Variants in BRPF3 observed in about 807,000 individuals in gnomAD.
BRPF3 encodes bromodomain and PHD finger-containing protein 3.
Under a neutral mutation model 102.0 loss-of-function variants are expected in BRPF3, and 18 were observed. The ratio of observed to expected loss-of-function variants is 0.18; its 90% CI spans 0.12 to 0.26. BRPF3 has a LOEUF of 0.26. BRPF3 is among the 10% of genes least tolerant of loss of function. The pLI, the probability that BRPF3 is intolerant of heterozygous loss-of-function variation, is 1.00. For synonymous variants in BRPF3, 570 were observed against 614.2 expected, an observed-to-expected ratio of 0.93 and a Z score of 1.06; for missense variants, 1,147 against 1,567.8, an observed-to-expected ratio of 0.73 and a Z score of 4.53.
intron 3 of BRPF3, among the ~76,000 whole-genome samples, chr6:36,206,569 A>G (rs1767913201): frequency 6.6e-6 from 1 of 152,218 alleles, no homozygotes. Context: ...TGTTTCACTT[A>G]CTAAGCAAAG....
intron 8 of BRPF3, among the ~76,000 whole-genome samples, chr6:36,216,291 T>G (rs1768325130): frequency 6.6e-6 from 1 of 152,186 alleles, no homozygotes; most frequent in South Asian, 2.1e-4. Context: ...GAATCAGGCT[T>G]AGCCATACAG....
chr6:36,202,314 T>C (rs1379794659), intron 2 of BRPF3, among the ~76,000 whole-genome samples: 1 of 150,750 alleles, frequency 6.6e-6, no homozygotes, highest in Non-Finnish European at 1.5e-5. Context: ...ATGAGGGGGG[T>C]GGTGGTGTGG....
At position 36,230,375 on chromosome 6, in the gene BRPF3, C is replaced by T; in HGVS notation, c.3435-51C>T. ...CCAAGTGGGGCCACAGGAGCCCGAG[C>T]CCCCTGTGAGACCCACTACTGCCCA... On this transcript the variant is annotated intron_variant, in intron 12 of 12. Transcript: ENST00000357641. The surrounding 1 kb of genome is among the most constrained non-coding windows in gnomAD (Gnocchi z 5.4). 1 of 1,570,506 alleles carries T rather than the reference C, an allele frequency of 6.4e-7. No individual in the cohort carries two copies. The highest frequency in any genetic ancestry group is 8.7e-7 in the Non-Finnish European group (1 of 1,146,404).
At chr6:36,207,980 A>G (rs578088004) in intron 4 of BRPF3, among the ~76,000 whole-genome samples, 1 of 152,330 alleles carries the variant, frequency 6.6e-6, no homozygotes, top group East Asian at 1.9e-4. Flanking sequence ...CCTGGGTTGA[A>G]ATCCTGCCTC....
At chr6:36,229,477 T>G (rs1768859327) in intron 12 of BRPF3, among the ~76,000 whole-genome samples, 1 of 152,210 alleles carries the variant, frequency 6.6e-6, no homozygotes, top group Non-Finnish European at 1.5e-5. Context: ...GGGAGGGGTG[T>G]GGCCTGGGCC....
rs1180550956 is a variant in BRPF3, at chr6:36,200,357, C to T, written c.35C>T (p.Ala12Val). The T allele has an allele frequency of 6.2e-7, 1 of 1,614,104 alleles. No homozygotes were observed. The highest frequency in any genetic ancestry group is 8.5e-7 in the Non-Finnish European group (1 of 1,179,956). Residue 12 changes from alanine (A) to valine (V), a missense_variant, in exon 2 of 13, where the codon GCC (alanine) becomes GTC (valine). By Grantham distance (64) the Ala-to-Val change is moderately conservative. Around this residue, in one of 11 missense-constraint regions of BRPF3, gnomAD observed 38 missense variants for 34.3 expected, o/e 1.11. Coordinates refer to ENST00000357641, the MANE Select transcript of BRPF3 (RefSeq NM_015695.3). This position sits in a 1 kb window ranked among gnomAD's most constrained non-coding sequence, Gnocchi z 5.3. ...CCTCGTCGGAAGTCCCGGCAGAATG[C>T]CGAGGGCCGGCGTTCCCCGTCCCCC... The part of the protein sequence containing the change: ...RKPRRKSRQN[A>V]EGRRSPSPYS...
Position 36,222,246 on chromosome 6 carries a change from C to T in BRPF3, c.3162C>T (p.Asp1054=). 1 of 1,549,962 alleles carries T rather than the reference C, an allele frequency of 6.5e-7. No individual in the cohort carries two copies. Among genetic ancestry groups the T allele is most frequent in the Non-Finnish European group, 8.7e-7 (1 of 1,147,080 alleles). The change falls in exon 10 of 13, where the codon GAC becomes GAT. Residue 1054 remains aspartate (D), a synonymous_variant. Coordinates refer to ENST00000357641, the MANE Select transcript of BRPF3 (RefSeq NM_015695.3). The part of the protein sequence containing the change: ...RVPFLEGVNG[D]SDYNGSGRSL... ...CCTTCCTGGAAGGTGTGAACGGAGA[C>T]TCTGACTACAATGGCTCAGGTGAGG...
chr6:36,222,240 C>T lies in BRPF3; in HGVS notation c.3156C>T (p.Asn1052=), dbSNP rs961329004. ...GAGTGCCCTTCCTGGAAGGTGTGAA[C>T]GGAGACTCTGACTACAATGGCTCAG... ...LSRVPFLEGV[N]GDSDYNGSGR... Residue 1052 remains asparagine, a synonymous_variant, in exon 10 of 13, where the codon AAC becomes AAT. Coordinates refer to ENST00000357641, the MANE Select transcript of BRPF3 (RefSeq NM_015695.3). 4.6e-5 allele frequency: 71 copies of T among 1,550,030 alleles called. No individual in the cohort carries two copies. The highest frequency in any genetic ancestry group is 2.0e-4 in the Admixed American group (10 of 51,022).
At chr6:36,218,705 C>T (rs976188210) in intron 9 of BRPF3, among the ~76,000 whole-genome samples, 3 of 152,106 alleles carry the variant, frequency 2.0e-5, no homozygotes, top group African/African-American at 4.8e-5. Context: ...GTGATCTGCC[C>T]GCCGCAGCAT....
intron 1 of BRPF3, among the ~76,000 whole-genome samples, chr6:36,199,789 T>C (rs1016846801): frequency 2.0e-5 from 3 of 152,240 alleles, no homozygotes; most frequent in Non-Finnish European, 2.9e-5. Context: ...TAGACAGGGC[T>C]CCTTGAGGGC....
intron 9 of BRPF3, among the ~76,000 whole-genome samples, chr6:36,221,664 T>A (rs1184358492): frequency 1.3e-5 from 2 of 151,746 alleles, no homozygotes; most frequent in African/African-American, 2.4e-5. Context: ...GAGAAGTGCA[T>A]TTTTTTTTCC....
chr6:36,229,181 C>T, intron 12 of BRPF3, 125 bp downstream of exon 12: 1 of 1,249,638 alleles, frequency 8.0e-7, no homozygotes, highest in Non-Finnish European at 1.1e-6. Flanking sequence ...CACTTGCCAG[C>T]AACAGGCCTG....
At chr6:36,216,299 C>A (rs1012268764) in intron 8 of BRPF3, among the ~76,000 whole-genome samples, 1 of 152,184 alleles carries the variant, frequency 6.6e-6, no homozygotes, top group African/African-American at 2.4e-5. Flanking sequence ...CTTAGCCATA[C>A]AGTGCTGAGA....
chr6:36,204,944 C>G (rs140994826), intron 3 of BRPF3, 130 bp downstream of exon 3: 8 of 1,240,026 alleles, frequency 6.5e-6, no homozygotes, highest in Non-Finnish European at 8.9e-6. Context: ...TCTGGGTGGC[C>G]TATCCCAGGA....
At chr6:36,212,986 G>A (rs1037910706) in intron 7 of BRPF3, among the ~76,000 whole-genome samples, 1 of 152,202 alleles carries the variant, frequency 6.6e-6, no homozygotes, top group African/African-American at 2.4e-5. Flanking sequence ...TTTCAAGGTG[G>A]TAGGTGAGCA....
At chr6:36,209,655 ATATAC>A (rs1768025350) in intron 4 of BRPF3, 127 bp from the exon 5 acceptor site, 1 of 1,143,604 alleles carries the variant, frequency 8.7e-7, no homozygotes, top group African/African-American at 1.6e-5. Flanking sequence ...ATAGCTTCTC[ATATAC>A]TGGTCAGCTT....
At chr6:36,213,553 C>T (rs1373297636) in intron 7 of BRPF3, among the ~76,000 whole-genome samples, 1 of 151,948 alleles carries the variant, frequency 6.6e-6, no homozygotes, top group African/African-American at 2.4e-5. Flanking sequence ...GAAAAATTAG[C>T]CTAGCCAAGT....
intron 9 of BRPF3, among the ~76,000 whole-genome samples, chr6:36,219,032 A>G (rs928492982): frequency 6.6e-6 from 1 of 152,132 alleles, no homozygotes; most frequent in Non-Finnish European, 1.5e-5. Flanking sequence ...GGCCCCACCC[A>G]TGACTGCTGA....
At position 36,217,927 on chromosome 6, in the gene BRPF3, C is replaced by G. The variant is rs139503367; in HGVS notation, c.3000C>G (p.Asn1000Lys). The G allele has an allele frequency of 1.2e-6, 2 of 1,612,954 alleles. No homozygotes were observed. Among genetic ancestry groups the G allele is most frequent in the Admixed American group, 3.3e-5 (2 of 59,846 alleles). Reference protein sequence around the residue: ...PQQEEETGMTNGFGKHTESGS... With the variant: ...PQQEEETGMTKGFGKHTESGS... ...GTGTGTCCTTGGCAGGCATGACCAA[C>G]GGCTTTGGAAAACACACCGAAAGCG... Residue 1000 changes from asparagine to lysine, a missense_variant, in exon 9 of 13, where the codon AAC becomes AAG. Asn to Lys is a moderately conservative substitution (Grantham distance 94). Coordinates refer to ENST00000357641, the MANE Select transcript of BRPF3 (RefSeq NM_015695.3).
Sources: allele counts gnomAD v4.1 joint callset (sites outside exome capture counted in the v4.1 genomes callset), GRCh38; gene constraint gnomAD v4.1.1; regional missense constraint gnomAD v4.1.1; non-coding constraint Gnocchi (gnomAD v3.1); transcripts MANE v1.5; gene names NCBI Gene and HGNC (gene_info 2026-07-23, HGNC 2026-07-21).